EDA: variants seen among roughly 807,000 people sequenced by gnomAD.
The protein encoded by EDA is ectodysplasin-A.
EDA carries 2 observed loss-of-function variants against 23.6 expected under a neutral mutation model. The ratio of observed to expected loss-of-function variants is 0.08; its 90% CI spans 0.03 to 0.27. The LOEUF is 0.27. Ranked by LOEUF, EDA falls within the 10% of genes least tolerant of loss-of-function variation. The probability of loss-of-function intolerance (pLI) is 1.00; values close to 1 mark genes in which losing one functional copy is unlikely to be tolerated. For synonymous variants in EDA, 131 were observed against 132.0 expected (o/e 0.99, Z 0.05); for missense variants, 229 against 324.2 (o/e 0.71, Z 2.26).
Position 69,648,293 on chromosome X carries a change from G to A in EDA, c.396+31589G>A, listed in dbSNP as rs540995807. 7.1e-5 allele frequency among the ~76,000 whole-genome samples: 8 copies of A among 112,019 alleles called. No homozygotes were observed. In the South Asian group the frequency reaches 3.0e-3, roughly 42 times the overall value. ...TTCTTAACAGCCAGCAGGCTGGAGT[G>A]GCTGAGTCAACCAAACCTCAGAGAT... is the stretch of plus-strand genomic sequence containing the variant. On this transcript the variant is annotated intron_variant, in intron 1 of 7. Transcript: ENST00000374552.
chrX:69,682,276 TTGTC>T (rs1310255418), intron 1 of EDA, among the ~76,000 whole-genome samples: 2 of 112,429 alleles, frequency 1.8e-5, no homozygotes, highest in Non-Finnish European at 3.8e-5. Flanking sequence ...GTCTTTTTGT[TTGTC>T]TGTGCCCTGC....
intron 1 of EDA, among the ~76,000 whole-genome samples, chrX:69,875,999 T>C (rs534527854): frequency 8.9e-6 from 1 of 111,924 alleles, no homozygotes; most frequent in African/African-American, 3.2e-5. Flanking sequence ...GATATTGGCA[T>C]GGACATGGTG....
At chrX:69,624,519 A>G (rs1338954143) in intron 1 of EDA, among the ~76,000 whole-genome samples, 2 of 111,212 alleles carry the variant, frequency 1.8e-5, no homozygotes, top group Admixed American at 1.9e-4. Flanking sequence ...AGTTATTTTT[A>G]TCTTTATCTA....
intron 1 of EDA, among the ~76,000 whole-genome samples, chrX:69,879,896 C>A (rs2017717245): frequency 8.9e-6 from 1 of 112,042 alleles, no homozygotes; most frequent in African/African-American, 3.2e-5. Flanking sequence ...CTAAAGTCAA[C>A]TCTCCCCATG....
At chrX:69,854,727 G>C (rs984297709) in intron 1 of EDA, among the ~76,000 whole-genome samples, 3 of 111,899 alleles carry the variant, frequency 2.7e-5, no homozygotes, top group Non-Finnish European at 3.8e-5. Context: ...TTTAGATTGG[G>C]TCCATGTCTT....
At chrX:69,882,182 C>A (rs1414018086) in intron 1 of EDA, among the ~76,000 whole-genome samples, 1 of 111,591 alleles carries the variant, frequency 9.0e-6, no homozygotes, top group Non-Finnish European at 1.9e-5. Flanking sequence ...TAGGAGTTCT[C>A]TTAAGCCATA....
At chrX:69,767,090 G>C (rs779363104) in intron 1 of EDA, among the ~76,000 whole-genome samples, 2 of 111,440 alleles carry the variant, frequency 1.8e-5, no homozygotes, top group Non-Finnish European at 3.8e-5. Flanking sequence ...CATTTTCCTA[G>C]TCCTTTGGCT....
chrX:69,933,602 G>T (rs1384698977), intron 1 of EDA, among the ~76,000 whole-genome samples: 1 of 110,434 alleles, frequency 9.1e-6, no homozygotes, highest in African/African-American at 3.3e-5. Flanking sequence ...GCTTGAACCC[G>T]GGAGGCAGAG....
intron 2 of EDA, among the ~76,000 whole-genome samples, chrX:69,980,936 A>G (rs1225354855): frequency 8.9e-6 from 1 of 112,055 alleles, no homozygotes; most frequent in Admixed American, 9.4e-5. Context: ...TGCTTCCAGT[A>G]TCTGTGTTGA....
At chrX:69,730,089 C>T (rs945218252) in intron 1 of EDA, among the ~76,000 whole-genome samples, 5 of 111,191 alleles carry the variant, frequency 4.5e-5, no homozygotes, top group African/African-American at 1.6e-4. Flanking sequence ...GTCTCGAGCT[C>T]CTGACCTCAA....
In EDA at chrX:69,762,909, G is replaced by C. The variant is rs1350891192; in HGVS notation, c.396+146205G>C. 5.4e-5 allele frequency among the ~76,000 whole-genome samples: 6 copies of C among 112,089 alleles called. No individual in the cohort carries two copies. In the East Asian group the frequency reaches 1.7e-3, roughly 31 times the overall value. ...TTATTTCTCTGCACAGGTAGTTTGG[G>C]ACAAAGGAACTACTTTTACTGTTAG... is the stretch of plus-strand genomic sequence containing the variant. On this transcript the variant is annotated intron_variant, in intron 1 of 7. Transcript: ENST00000374552.
At chrX:69,616,873 G>A (rs772753764) in intron 1 of EDA, 169 bp downstream of exon 1, 27 of 658,197 alleles carry the variant, frequency 4.1e-5, no homozygotes, top group Non-Finnish European at 5.7e-5. Context: ...GGTTGTCTTC[G>A]GTCCCTGGCC....
At chrX:69,829,976 A>G (rs981335118) in intron 1 of EDA, among the ~76,000 whole-genome samples, 16 of 111,655 alleles carry the variant, frequency 1.4e-4, no homozygotes, top group African/African-American at 5.2e-4. Flanking sequence ...CTTATTTTCT[A>G]TATTTGACAG....
intron 1 of EDA, among the ~76,000 whole-genome samples, chrX:69,790,519 C>G (rs1291510185): frequency 1.8e-5 from 2 of 111,741 alleles, no homozygotes; most frequent in Non-Finnish European, 3.8e-5. Flanking sequence ...TACCCTGCTA[C>G]TAAGAGTTCC....
chrX:69,676,384 G>C (rs1398238989), intron 1 of EDA, among the ~76,000 whole-genome samples: 2 of 111,087 alleles, frequency 1.8e-5, no homozygotes, highest in African/African-American at 6.6e-5. Context: ...AAGATTGTTG[G>C]ATTCTGAATT....
chrX:70,000,022 T>C (rs973966130), intron 2 of EDA, among the ~76,000 whole-genome samples: 8 of 111,746 alleles, frequency 7.2e-5, no homozygotes, highest in African/African-American at 1.6e-4. Context: ...AGGCATTTAA[T>C]AAAAATCTAA....
intron 1 of EDA, among the ~76,000 whole-genome samples, chrX:69,757,125 G>T (rs767699911): frequency 2.7e-5 from 3 of 111,966 alleles, no homozygotes; most frequent in African/African-American, 9.7e-5. Flanking sequence ...TGAACTCTTA[G>T]CTGTATTTGA....
chrX:69,808,486 G>T (rs980111808), intron 1 of EDA, among the ~76,000 whole-genome samples: 4 of 111,658 alleles, frequency 3.6e-5, no homozygotes, highest in Admixed American at 9.5e-5. Flanking sequence ...TATTGCCCAT[G>T]TGGTTGAACT....
At chrX:69,682,401 C>T (rs891070614) in intron 1 of EDA, among the ~76,000 whole-genome samples, 13 of 112,559 alleles carry the variant, frequency 1.2e-4, no homozygotes, top group Non-Finnish European at 2.1e-4. Context: ...TGGGCAATGG[C>T]GGGCGCCCCT....
Sources: gnomAD v4.1 joint callset for allele counts (sites outside exome capture counted in the v4.1 genomes callset) on GRCh38, gnomAD v4.1.1 for gene constraint, MANE v1.5 for transcripts, NCBI Gene and HGNC (gene_info 2026-07-23, HGNC 2026-07-21) for gene names.